The following RDX variants were observed in gnomAD, a reference collection of about 807,000 sequenced individuals.
RDX encodes the protein radixin.
RDX carries 32 observed loss-of-function variants against 83.7 expected under a neutral mutation model. The observed-to-expected ratio is 0.38, with a 90% CI of 0.29 to 0.51. The LOEUF is 0.51. Among genes scored for constraint, RDX ranks in the 20% least tolerant of loss-of-function variants. The probability of loss-of-function intolerance (pLI) is 0.87; values close to 1 mark genes in which losing one functional copy is unlikely to be tolerated. For missense variants in RDX, 600 were observed against 689.9 expected (o/e 0.87, Z 1.46); for synonymous variants, 229 against 222.7 (o/e 1.03, Z -0.25).
intron 2 of RDX, among the ~76,000 whole-genome samples, chr11:110,278,566 T>C (rs1860609678): frequency 6.6e-6 from 1 of 151,464 alleles, no homozygotes; most frequent in East Asian, 1.9e-4. Flanking sequence ...AGGCCATTGA[T>C]TTTTTTTTAA....
intron 14 of RDX, among the ~76,000 whole-genome samples, chr11:110,213,066 T>C (rs1483265581): frequency 6.6e-6 from 1 of 151,336 alleles, no homozygotes; most frequent in African/African-American, 2.4e-5. Context: ...GCAGACAACA[T>C]GATTGTATAT....
At position 110,272,639 on chromosome 11, in the gene RDX, A is replaced by G. The variant is rs1860351715; in HGVS notation, c.13-20T>C. On this transcript the variant is annotated intron_variant, in intron 2 of 13. Transcript: ENST00000645495. The stretch of plus-strand genomic sequence containing the variant: ...GTTGATCTGTAATAAAAATAAAAGG[A>G]ATAATAAGTAGAAGAGAAGTTATTA... The G allele has an allele frequency of 6.5e-7, 1 of 1,529,932 alleles. No homozygotes were observed. The highest frequency in any genetic ancestry group is 1.4e-5 in the African/African-American group (1 of 72,820). 94.8% of individuals were successfully genotyped at this position (1,529,932 alleles called of 1,614,324 possible). A position where few individuals can be genotyped will look rare whatever the true frequency, so the allele number is the denominator to read the frequency against.
chr11:110,222,175 GACA>G (rs952436397), intron 14 of RDX, among the ~76,000 whole-genome samples: 5 of 152,120 alleles, frequency 3.3e-5, no homozygotes, highest in African/African-American at 9.7e-5. Flanking sequence ...AGAGGTGGCA[GACA>G]ACATTTTCCT....
At chr11:110,251,677 C>T (rs1859347648) in intron 9 of RDX, among the ~76,000 whole-genome samples, 1 of 152,072 alleles carries the variant, frequency 6.6e-6, no homozygotes, top group African/African-American at 2.4e-5. Flanking sequence ...TCAGTTTTCA[C>T]ATGTGGAAAC....
intron 3 of RDX, among the ~76,000 whole-genome samples, chr11:110,272,022 A>G (rs890658562): frequency 2.6e-5 from 4 of 152,234 alleles, no homozygotes; most frequent in Admixed American, 6.5e-5. Context: ...GCCTATGTGT[A>G]TAAGTTGTAC....
chr11:110,245,733 C>A (rs1241436544), intron 10 of RDX, among the ~76,000 whole-genome samples: 1 of 152,050 alleles, frequency 6.6e-6, no homozygotes, highest in African/African-American at 2.4e-5. Flanking sequence ...CTTTGTCTTC[C>A]CCCAGTAAAA....
intron 12 of RDX, among the ~76,000 whole-genome samples, chr11:110,235,750 A>G (rs1479222032): frequency 6.6e-6 from 1 of 152,146 alleles, no homozygotes; most frequent in African/African-American, 2.4e-5. Flanking sequence ...CATACTTCCT[A>G]TACTCATTCA....
chr11:110,254,939 G>A (rs986794826), intron 8 of RDX, among the ~76,000 whole-genome samples: 2 of 152,138 alleles, frequency 1.3e-5, no homozygotes, highest in African/African-American at 2.4e-5. Context: ...CTGTATAAAC[G>A]AAGTTAATTT....
At chr11:110,271,376 C>T (rs927193407) in intron 3 of RDX, among the ~76,000 whole-genome samples, 2 of 152,134 alleles carry the variant, frequency 1.3e-5, no homozygotes, top group African/African-American at 4.8e-5. Flanking sequence ...TCTCCTGCTC[C>T]TAAGAAAAAG....
intron 13 of RDX, among the ~76,000 whole-genome samples, chr11:110,232,615 CATTTT>C (rs1474218690): frequency 3.9e-5 from 6 of 151,948 alleles, no homozygotes; most frequent in African/African-American, 9.7e-5. Context: ...TTCCAATGTA[CATTTT>C]ATTTTATTTT....
chr11:110,296,240 G>A (rs977924097), intron 1 of RDX, among the ~76,000 whole-genome samples: 5 of 151,994 alleles, frequency 3.3e-5, no homozygotes, highest in South Asian at 2.1e-4. Context: ...GCTCAGCCAC[G>A]ACTCGGGCAG....
intron 15 of RDX, among the ~76,000 whole-genome samples, chr11:110,176,346 G>A (rs1862774014): frequency 6.6e-6 from 1 of 152,140 alleles, no homozygotes; most frequent in Non-Finnish European, 1.5e-5. Context: ...TTACAGGCAT[G>A]AGCCACCTTG....
intron 15 of RDX, among the ~76,000 whole-genome samples, chr11:110,193,545 T>C (rs200422887): frequency 2.9e-4 from 12 of 41,912 alleles, no homozygotes; most frequent in African/African-American, 1.3e-3. Flanking sequence ...CAAAACAAAA[T>C]AGAATAAACT....
At chr11:110,178,918 T>C (rs1862828461) in intron 15 of RDX, among the ~76,000 whole-genome samples, 1 of 152,218 alleles carries the variant, frequency 6.6e-6, no homozygotes. Context: ...GTTTGTACTC[T>C]ACATTGATCC....
chr11:110,280,355 T>C (rs531933874), intron 1 of RDX, among the ~76,000 whole-genome samples: 63 of 152,330 alleles, frequency 4.1e-4, no homozygotes, highest in Non-Finnish European at 8.8e-5. Context: ...GTGATCCTCC[T>C]GCCTTGGGCT....
intron 14 of RDX, among the ~76,000 whole-genome samples, chr11:110,211,197 G>A (rs1219254519): frequency 6.6e-6 from 1 of 152,156 alleles, no homozygotes; most frequent in African/African-American, 2.4e-5. Context: ...CCTAGTCTCT[G>A]ATAAAACAGA....
intron 1 of RDX, 42 bp from the exon 2 acceptor site, chr11:110,279,798 A>G (rs1860680098): frequency 1.4e-6 from 1 of 700,122 alleles, no homozygotes; most frequent in Admixed American, 2.5e-5. Context: ...CTTTTTATAT[A>G]AGGTTTCTAT....
At chr11:110,194,388 T>C (rs753898964) in intron 15 of RDX, among the ~76,000 whole-genome samples, 22 of 152,094 alleles carry the variant, frequency 1.4e-4, no homozygotes, top group Non-Finnish European at 2.9e-4. Context: ...CCCAGCTAAT[T>C]TATGTATTTT....
At chr11:110,251,663 G>T (rs1859347272) in intron 9 of RDX, among the ~76,000 whole-genome samples, 1 of 152,022 alleles carries the variant, frequency 6.6e-6, no homozygotes, top group Non-Finnish European at 1.5e-5. Context: ...TAAACTTGGG[G>T]CTTTCAGTTT....
Sources: gnomAD v4.1 joint callset for allele counts (sites outside exome capture counted in the v4.1 genomes callset) on GRCh38, gnomAD v4.1.1 for gene constraint, MANE v1.5 for transcripts, NCBI Gene and HGNC (gene_info 2026-07-23, HGNC 2026-07-21) for gene names.